The following PPARGC1B variants were observed in gnomAD, a reference collection of about 807,000 sequenced individuals.
The protein encoded by PPARGC1B is peroxisome proliferator-activated receptor gamma coactivator 1-beta.
Under a neutral mutation model 101.6 loss-of-function variants are expected in PPARGC1B, and 34 were observed. The ratio of observed to expected loss-of-function variants is 0.33; its 90% CI spans 0.25 to 0.45. PPARGC1B has a LOEUF of 0.45. Ranked by LOEUF, PPARGC1B falls within the 20% of genes least tolerant of loss-of-function variation. The pLI is 1.00. For missense variants in PPARGC1B, 1,234 were observed against 1,317.6 expected (o/e 0.94, Z 0.98); for synonymous variants, 548 against 539.3 (o/e 1.02, Z -0.22).
intron 1 of PPARGC1B, among the ~76,000 whole-genome samples, chr5:149,784,560 C>CTTTTTT (rs72364863): frequency 5.3e-5 from 4 of 75,714 alleles, no homozygotes; most frequent in East Asian, 4.3e-4. Flanking sequence ...AACTGAGTTT[C>CTTTTTT]TTTTTTTTTT....
Position 149,833,312 on chromosome 5 carries a change from G to A in PPARGC1B, c.1239G>A (p.Arg413=), listed in dbSNP as rs777260637. Residue 413 remains arginine (R), a synonymous_variant, in exon 5 of 12, where the codon CGG becomes CGA. Coordinates refer to ENST00000309241, the MANE Select transcript of PPARGC1B (RefSeq NM_133263.4). The surrounding 1 kb of genome is among the most constrained non-coding windows in gnomAD (Gnocchi z 4.1). ...CCAGACCAAGCCTGCGCCCACTGCG[G>A]CTGGAGGTGAAAAGGGAGGTCCGCC... ...TGPRPSLRPL[R]LEVKREVRRP... is the part of the protein sequence containing the mutation. 41 of 1,613,372 alleles carry A rather than the reference G, an allele frequency of 2.5e-5. No individual in the cohort carries two copies. Among genetic ancestry groups the A allele is most frequent in the Non-Finnish European group, 6.8e-6 (8 of 1,180,048 alleles).
intron 1 of PPARGC1B, among the ~76,000 whole-genome samples, chr5:149,809,220 A>G (rs1420339030): frequency 5.2e-5 from 1 of 19,258 alleles, no homozygotes; most frequent in Non-Finnish European, 1.1e-4. Flanking sequence ...AGATAGATAG[A>G]TCCATCTCTA....
Position 149,803,294 on chromosome 5 carries a change from G to A in PPARGC1B, c.79-17139G>A, listed in dbSNP as rs115678745. ...GTCTTGAGATTCTAGTCCTGGTCCT[G>A]TCTTTGACTTGCTCTGTGACTTTAG... On this transcript the variant is annotated intron_variant, in intron 1 of 11. Coordinates refer to ENST00000309241, the MANE Select transcript of PPARGC1B (RefSeq NM_133263.4). 2.6e-3 allele frequency among the ~76,000 whole-genome samples: 396 copies of A among 152,306 alleles called. 4 individuals are homozygous for A. Among genetic ancestry groups the A allele is most frequent in the Middle Eastern group, 0.014 (4 of 294 alleles).
intron 1 of PPARGC1B, among the ~76,000 whole-genome samples, chr5:149,814,599 C>G (rs1226291931): frequency 6.6e-6 from 1 of 152,156 alleles, no homozygotes; most frequent in Non-Finnish European, 1.5e-5. Context: ...TCCTTCCACT[C>G]AGTAGTTCTG....
intron 1 of PPARGC1B, among the ~76,000 whole-genome samples, chr5:149,778,012 C>CCT (rs1416091784): frequency 1.5e-5 from 1 of 67,638 alleles, no homozygotes; most frequent in Non-Finnish European, 2.8e-5. Context: ...TTCCCCCCCC[C>CCT]ACAGACACAC....
rs1163374425 is a variant in PPARGC1B at position 149,833,212 on chromosome 5, ACAGT to A, written c.1143_1146del (p.Ser381ArgfsTer13). 6.2e-7 allele frequency: 1 copy of A among 1,613,136 alleles called. No homozygotes were observed. Among genetic ancestry groups the A allele is most frequent in the Non-Finnish European group, 8.5e-7 (1 of 1,179,944 alleles). ...CGGTCAAGGCCCAGGCCCCCCAAAGACAGTCAGGCCTCCCCTGGTCGCCCGTCCT... is the reference window on the plus strand; with the variant it reads ...CGGTCAAGGCCCAGGCCCCCCAAAGACAGGCCTCCCCTGGTCGCCCGTCCT... On this transcript the variant is annotated frameshift_variant, in exon 5 of 12. Coordinates refer to ENST00000309241, the MANE Select transcript of PPARGC1B (RefSeq NM_133263.4). LOFTEE classifies it high-confidence loss of function. This position sits in a 1 kb window ranked among gnomAD's most constrained non-coding sequence, Gnocchi z 4.1.
intron 11 of PPARGC1B, chr5:149,846,212 G>A (rs988985468): frequency 6.0e-5 from 34 of 565,650 alleles, no homozygotes; most frequent in Non-Finnish European, 8.4e-5. Flanking sequence ...CCGTGGCTAC[G>A]GTCTCCTTGA....
intron 1 of PPARGC1B, among the ~76,000 whole-genome samples, chr5:149,738,845 T>A (rs1282626364): frequency 6.6e-6 from 1 of 152,232 alleles, no homozygotes; most frequent in Non-Finnish European, 1.5e-5. Flanking sequence ...TCCGCTCGCC[T>A]CGGCCTCCCA....
At position 149,741,713 on chromosome 5, in the gene PPARGC1B, C is replaced by T. The variant is rs143434486; in HGVS notation, c.78+11293C>T. On this transcript the variant is annotated intron_variant, in intron 1 of 11. Coordinates refer to ENST00000309241, the MANE Select transcript of PPARGC1B (RefSeq NM_133263.4). ...CGCGATCTCAGCTCACTGCAACCCCCTCCTCCCATGTTCAAGTGATTCTCC... is the reference window on the plus strand; with the variant it reads ...CGCGATCTCAGCTCACTGCAACCCCTTCCTCCCATGTTCAAGTGATTCTCC... 2.1e-3 allele frequency among the ~76,000 whole-genome samples: 321 copies of T among 151,908 alleles called. 1 individual carries two copies. Among genetic ancestry groups the T allele is most frequent in the African/African-American group, 7.3e-3 (302 of 41,394 alleles).
chr5:149,790,484 C>G (rs1219126248), intron 1 of PPARGC1B, among the ~76,000 whole-genome samples: 1 of 152,082 alleles, frequency 6.6e-6, no homozygotes, highest in African/African-American at 2.4e-5. Context: ...ACTGCTGTAG[C>G]CCCAAACCAG....
At chr5:149,841,843 C>T (rs1759350914) in intron 9 of PPARGC1B, among the ~76,000 whole-genome samples, 1 of 152,200 alleles carries the variant, frequency 6.6e-6, no homozygotes, top group African/African-American at 2.4e-5. Flanking sequence ...GCCCCCACCC[C>T]ATTACCCTTC....
Position 149,836,311 on chromosome 5 carries a change from C to T in PPARGC1B, c.1856C>T (p.Pro619Leu). ...TPPYKPTEED[P>L]FKPDIKHSLG... ...CCGTACAAGCCCACAGAGGAGGATCCCTTCAAACCAGACATCAAGCATAGT... is the reference window on the plus strand; with the variant it reads ...CCGTACAAGCCCACAGAGGAGGATCTCTTCAAACCAGACATCAAGCATAGT... Residue 619 changes from proline (P) to leucine (L), a missense_variant, in exon 8 of 12, where the codon CCC (proline) becomes CTC (leucine). By Grantham distance (98) the Pro-to-Leu change is moderately conservative. This residue lies in a region of PPARGC1B where 497 missense variants were observed against 529.5 expected (regional missense o/e 0.94). Coordinates refer to ENST00000309241, the MANE Select transcript of PPARGC1B (RefSeq NM_133263.4). 1 of 1,610,886 alleles carries T rather than the reference C, an allele frequency of 6.2e-7. No homozygotes were observed. The highest frequency in any genetic ancestry group is 8.5e-7 in the Non-Finnish European group (1 of 1,178,614).
chr5:149,835,139 G>A (rs1270675321), intron 6 of PPARGC1B, among the ~76,000 whole-genome samples, 162 bp from the exon 7 acceptor site: 2 of 152,206 alleles, frequency 1.3e-5, no homozygotes, highest in Non-Finnish European at 2.9e-5. Flanking sequence ...TCTAACAGCC[G>A]GGATGGGGTT....
chr5:149,801,592 A>G (rs2113292176), intron 1 of PPARGC1B, among the ~76,000 whole-genome samples: 1 of 152,320 alleles, frequency 6.6e-6, no homozygotes, highest in Non-Finnish European at 1.5e-5. Context: ...AGGACCTTAC[A>G]GGCCACAGAA....
At chr5:149,750,460 A>ATATATATATATATATATATATG (rs1252271688) in intron 1 of PPARGC1B, among the ~76,000 whole-genome samples, 1 of 5,954 alleles carries the variant, frequency 1.7e-4, no homozygotes, top group Non-Finnish European at 2.9e-4. Context: ...TAAAATATAT[A>ATATATATATATATATATATATG]TATATATATA....
intron 1 of PPARGC1B, among the ~76,000 whole-genome samples, chr5:149,751,722 AG>A (rs1160355017): frequency 2.6e-5 from 4 of 151,466 alleles, no homozygotes; most frequent in African/African-American, 9.8e-5. Context: ...AAAAAAAAAA[AG>A]AAAAGAAAAC....
In PPARGC1B at chr5:149,836,360, C is replaced by T; in HGVS notation, c.1905C>T (p.Ser635=). ...GTCTAGGCAAAGAAATAGCTCTCAG[C>T]CTCCCCTCCCCTGAGGGCCTCTCAC... ...KHSLGKEIAL[S]LPSPEGLSLK... The change falls in exon 8 of 12, where the codon AGC becomes AGT. Residue 635 remains serine (S), a synonymous_variant. Transcript: ENST00000309241. 6.2e-7 allele frequency: 1 copy of T among 1,614,062 alleles called. No homozygotes were observed. The highest frequency in any genetic ancestry group is 8.5e-7 in the Non-Finnish European group (1 of 1,180,006).
chr5:149,757,514 T>C (rs1755575295), intron 1 of PPARGC1B, among the ~76,000 whole-genome samples: 1 of 152,196 alleles, frequency 6.6e-6, no homozygotes, highest in Non-Finnish European at 1.5e-5. Flanking sequence ...AAGGCCTCGA[T>C]AAGTGGCAGA....
At chr5:149,732,828 GC>G (rs1329713344) in intron 1 of PPARGC1B, 1 of 479,154 alleles carries the variant, frequency 2.1e-6, no homozygotes, top group Non-Finnish European at 4.3e-6. Context: ...GCCACCCAGG[GC>G]TCCTGACTCC....
Sources: allele counts gnomAD v4.1 joint callset (sites outside exome capture counted in the v4.1 genomes callset), GRCh38; gene constraint gnomAD v4.1.1; regional missense constraint gnomAD v4.1.1; non-coding constraint Gnocchi (gnomAD v3.1); transcripts MANE v1.5; gene names NCBI Gene and HGNC (gene_info 2026-07-23, HGNC 2026-07-21).